MLXIPL: variants seen among roughly 807,000 people sequenced by gnomAD.
MLXIPL encodes MLX interacting protein like.
Under a neutral mutation model 81.5 loss-of-function variants are expected in MLXIPL, and 49 were observed. The observed-to-expected ratio is 0.60, with a 90% confidence interval of 0.48 to 0.76. The LOEUF (loss-of-function observed/expected upper bound fraction) is 0.76, where lower values mean the gene tolerates loss of function less well. Ranked by LOEUF, MLXIPL falls within the 30% of genes least tolerant of loss-of-function variation. The probability of loss-of-function intolerance (pLI) is 0.00; values close to 1 mark genes in which losing one functional copy is unlikely to be tolerated. For missense variants in MLXIPL, 1,053 were observed against 1,167.0 expected, an observed-to-expected ratio of 0.90 and a Z score of 1.42; for synonymous variants, 466 against 485.5, an observed-to-expected ratio of 0.96 and a Z score of 0.53.
Position 73,595,829 on chromosome 7 carries a change from G to A in MLXIPL, c.2186+13C>T, listed in dbSNP as rs782444899. 8 of 1,597,508 alleles carry A rather than the reference G, an allele frequency of 5.0e-6. No homozygotes were observed. In the Admixed American group the frequency reaches 1.4e-4, roughly 28 times the overall value. ...GGCCCCCTGGTCCCAGCACCCGCCT[G>A]GACCCTGCCTACTTAATGGCGGCAT... On this transcript the variant is annotated intron_variant, in intron 14 of 16. Transcript: ENST00000313375.
chr7:73,598,836 G>T (rs1554595159), intron 8 of MLXIPL, among the ~76,000 whole-genome samples: 1 of 151,938 alleles, frequency 6.6e-6, no homozygotes, highest in Non-Finnish European at 1.5e-5. Context: ...ACTGCACCTG[G>T]GGGCCAGGTG....
chr7:73,597,127 C>T (rs1340203576), intron 9 of MLXIPL, 55 bp downstream of exon 9: 2 of 1,509,854 alleles, frequency 1.3e-6, no homozygotes, highest in Non-Finnish European at 1.8e-6. Context: ...CCCCTGTCCT[C>T]CCCACCCCCT....
At chr7:73,638,139 C>T in the MLXIPL span, among the ~76,000 whole-genome samples, 1 of 152,150 alleles carries the variant, frequency 6.6e-6, no homozygotes, top group Non-Finnish European at 1.5e-5. Flanking sequence ...CTCTGCCTGG[C>T]CCTTGGCAGG....
Position 73,599,646 on chromosome 7 carries a change from G to T in MLXIPL, c.951C>A (p.Phe317Leu), listed in dbSNP as rs1563482862. 1 of 1,609,140 alleles carries T rather than the reference G, an allele frequency of 6.2e-7. No homozygotes were observed. ...CGGGGCTGAAGCTGGGGGGCTCTGG[G>T]AAGTTTGAAGGCATGGGCGGCTGTG... ...RLPQPPMPSN[F>L]PEPPSFSPVV... The change falls in exon 8 of 17, where the codon TTC becomes TTA. Residue 317 changes from phenylalanine to leucine, a missense_variant. Phe to Leu is a conservative substitution (Grantham distance 22, BLOSUM62 0). Transcript: ENST00000313375.
intron 1 of MLXIPL, 59 bp downstream of exon 1, chr7:73,624,141 G>GGC (rs1554602944): frequency 3.0e-6 from 4 of 1,320,830 alleles, no homozygotes; most frequent in African/African-American, 1.6e-5. Flanking sequence ...TCCTGCCCCG[G>GGC]ACCCCCCCCC....
chr7:73,646,583 G>A, the MLXIPL span, among the ~76,000 whole-genome samples: 6 of 152,082 alleles, frequency 3.9e-5, no homozygotes, highest in Admixed American at 3.9e-4. Context: ...GTGTCCTTAG[G>A]GGGCAATTAG....
chr7:73,615,033 A>G (rs1554600499), intron 2 of MLXIPL, among the ~76,000 whole-genome samples: 2 of 152,028 alleles, frequency 1.3e-5, no homozygotes. Flanking sequence ...GATGGTCTCG[A>G]TCTCCTGACC....
chr7:73,629,865 C>T, the MLXIPL span, among the ~76,000 whole-genome samples: 6 of 152,072 alleles, frequency 3.9e-5, no homozygotes, highest in East Asian at 1.9e-4. Context: ...AATGATCTGG[C>T]GGATTGTGGT....
chr7:73,595,912 C>G lies in MLXIPL; in HGVS notation c.2116G>C (p.Glu706Gln). 1 of 1,613,372 alleles carries G rather than the reference C, an allele frequency of 6.2e-7. No homozygotes were observed. The highest frequency in any genetic ancestry group is 2.2e-5 in the East Asian group (1 of 44,874). ...GCCTCCTCCTGCAAGCCCGCACGCT[C>G]CTGCTGTAGCATAAGGATGTACTCA... is the stretch of plus-strand genomic sequence containing the variant. Reference protein sequence around the residue: ...TAEYILMLQQERAGLQEEAQQ... With the variant: ...TAEYILMLQQQRAGLQEEAQQ... Residue 706 changes from glutamate (E) to glutamine (Q), a missense_variant, in exon 14 of 17, where the codon GAG becomes CAG. Glu to Gln is a conservative substitution (Grantham distance 29, BLOSUM62 2). Coordinates refer to ENST00000313375, the MANE Select transcript of MLXIPL (RefSeq NM_032951.3).
At chr7:73,616,027 G>A (rs1795987506) in intron 2 of MLXIPL, 44 bp downstream of exon 2, 3 of 1,532,720 alleles carry the variant, frequency 2.0e-6, no homozygotes, top group Non-Finnish European at 2.7e-6. Context: ...AGGGTTGGAG[G>A]GGGCAGTCCC....
chr7:73,594,072 A>G, intron 16 of MLXIPL, 89 bp from the exon 17 acceptor site: 2 of 1,385,122 alleles, frequency 1.4e-6, no homozygotes, highest in South Asian at 1.2e-5. Flanking sequence ...AGGGGGAGGT[A>G]TTAGTTGGCA....
intron 1 of MLXIPL, among the ~76,000 whole-genome samples, chr7:73,619,186 C>A (rs145209651): frequency 0.011 from 1,648 of 152,042 alleles, 35 homozygotes; most frequent in African/African-American, 0.037. Flanking sequence ...TGGGGCCAGG[C>A]ACAGTGGCTC....
chr7:73,646,204 G>A, the MLXIPL span, among the ~76,000 whole-genome samples: 2 of 152,116 alleles, frequency 1.3e-5, no homozygotes, highest in Non-Finnish European at 2.9e-5. Flanking sequence ...AGACAGCCCC[G>A]GGGAGGGTAC....
chr7:73,629,511 T>C (rs1554604185), upstream of MLXIPL, among the ~76,000 whole-genome samples: 1 of 152,012 alleles, frequency 6.6e-6, no homozygotes, highest in African/African-American at 2.4e-5. Context: ...AAGGGGAGGA[T>C]TGCTTGAGCC....
At chr7:73,628,941 C>T (rs1314649037), upstream of MLXIPL, among the ~76,000 whole-genome samples, 3 of 152,214 alleles carry the variant, frequency 2.0e-5, no homozygotes, top group African/African-American at 7.2e-5. Flanking sequence ...CCAGCCTGCC[C>T]TTCCTTGTTG....
At chr7:73,631,558 C>CT in the MLXIPL span, among the ~76,000 whole-genome samples, 1,628 of 69,624 alleles carry the variant, frequency 0.023, 222 homozygotes, top group Non-Finnish European at 0.031. Context: ...GATGTTGCTA[C>CT]TTTTTTTTTT....
the MLXIPL span, among the ~76,000 whole-genome samples, chr7:73,646,992 TC>T: frequency 6.6e-6 from 1 of 151,978 alleles, no homozygotes; most frequent in Non-Finnish European, 1.5e-5. Context: ...TTTTACTCTG[TC>T]CCCATCTCCA....
upstream of MLXIPL, among the ~76,000 whole-genome samples, chr7:73,625,560 C>T (rs1407165945): frequency 6.6e-6 from 1 of 152,110 alleles, no homozygotes; most frequent in Non-Finnish European, 1.5e-5. Flanking sequence ...AGTTCGAAAC[C>T]AGCCTGGCTA....
In MLXIPL at chr7:73,605,541, A is replaced by G. The variant is rs998795683; in HGVS notation, c.901+147T>C. 100 of 732,170 alleles carry G rather than the reference A, an allele frequency of 1.4e-4. 1 individual carries two copies. In the African/African-American group the frequency reaches 1.6e-3, roughly 12 times the overall value. 45.4% of individuals were successfully genotyped at this position (732,170 alleles called of 1,614,324 possible). ...AACCTTGGTGACAGAGTGAGATGCC[A>G]TCTCAAAATAAATAAATAAATAAAA... On this transcript the variant is annotated intron_variant, in intron 7 of 16. Transcript: ENST00000313375.
Sources: allele counts gnomAD v4.1 joint callset (sites outside exome capture counted in the v4.1 genomes callset), GRCh38; gene constraint gnomAD v4.1.1; transcripts MANE v1.5; gene names NCBI Gene and HGNC (gene_info 2026-07-23, HGNC 2026-07-21).